NR2F1-AS1: variants seen among roughly 807,000 people sequenced by gnomAD.
NR2F1-AS1 encodes the protein NR2F1 antisense RNA 1.
intron 4 of NR2F1-AS1, among the ~76,000 whole-genome samples, chr5:93,534,378 G>A (rs994223904): frequency 6.6e-6 from 1 of 152,060 alleles, no homozygotes; most frequent in Non-Finnish European, 1.5e-5. Flanking sequence ...TTACTATAAT[G>A]AGTCTTTTTA....
At chr5:93,509,976 T>C (rs1751263491) in intron 4 of NR2F1-AS1, among the ~76,000 whole-genome samples, 1 of 151,962 alleles carries the variant, frequency 6.6e-6, no homozygotes, top group Non-Finnish European at 1.5e-5. Context: ...AATGATACAA[T>C]ATGCTTGTAG....
At chr5:93,569,776 G>C (rs1561509762) in intron 1 of NR2F1-AS1, 1 of 152,240 alleles carries the variant, frequency 6.6e-6, no homozygotes, top group Non-Finnish European at 1.5e-5. Flanking sequence ...AATTGGCTGA[G>C]CTTAGGCCAG....
chr5:93,557,704 C>G (rs1432902792), intron 2 of NR2F1-AS1, among the ~76,000 whole-genome samples: 1 of 152,104 alleles, frequency 6.6e-6, no homozygotes, highest in African/African-American at 2.4e-5. Context: ...GTTTGGGTAG[C>G]TGTGGCAATT....
chr5:93,470,560 T>TA (rs1367674367), intron 4 of NR2F1-AS1, among the ~76,000 whole-genome samples: 6 of 151,810 alleles, frequency 4.0e-5, no homozygotes, highest in Non-Finnish European at 8.9e-5. Flanking sequence ...TCTCAAATCT[T>TA]ACATTATCTA....
chr5:93,483,738 G>A (rs1165009693), intron 4 of NR2F1-AS1, among the ~76,000 whole-genome samples: 1 of 152,188 alleles, frequency 6.6e-6, no homozygotes, highest in Admixed American at 6.5e-5. Flanking sequence ...AGAATAACCA[G>A]TTTAGAGAAG....
intron 4 of NR2F1-AS1, among the ~76,000 whole-genome samples, chr5:93,443,879 G>C (rs1444221335): frequency 6.6e-6 from 1 of 152,220 alleles, no homozygotes; most frequent in Non-Finnish European, 1.5e-5. Flanking sequence ...AGCCAGAAGA[G>C]AGTGGGGGCC....
intron 4 of NR2F1-AS1, among the ~76,000 whole-genome samples, chr5:93,457,265 G>A (rs1749971473): frequency 6.6e-6 from 1 of 152,194 alleles, no homozygotes; most frequent in Non-Finnish European, 1.5e-5. Context: ...TTCCTAGGCA[G>A]AGGTCCCTGC....
At chr5:93,433,099 A>G (rs1282779655) in intron 4 of NR2F1-AS1, among the ~76,000 whole-genome samples, 1 of 152,166 alleles carries the variant, frequency 6.6e-6, no homozygotes, top group Non-Finnish European at 1.5e-5. Context: ...TTTCTGATAC[A>G]TTGTGGCAGT....
chr5:93,502,104 A>C (rs1184698003), intron 4 of NR2F1-AS1, among the ~76,000 whole-genome samples: 1 of 152,188 alleles, frequency 6.6e-6, no homozygotes, highest in East Asian at 1.9e-4. Context: ...GTTTTTTTAG[A>C]CATAATGTTT....
intron 2 of NR2F1-AS1, among the ~76,000 whole-genome samples, chr5:93,555,168 T>G (rs1752325590): frequency 1.3e-5 from 2 of 152,158 alleles, no homozygotes; most frequent in Non-Finnish European, 2.9e-5. Flanking sequence ...CTCCTAAAGT[T>G]CCTCTTCATT....
chr5:93,576,443 T>TC (rs200493070), intron 1 of NR2F1-AS1, among the ~76,000 whole-genome samples: 1 of 151,220 alleles, frequency 6.6e-6, no homozygotes, highest in Non-Finnish European at 1.5e-5. Context: ...TTTTTTTTTT[T>TC]CATTTAAACT....
intron 4 of NR2F1-AS1, among the ~76,000 whole-genome samples, chr5:93,427,430 T>C (rs1561431266): frequency 6.6e-6 from 1 of 152,220 alleles, no homozygotes; most frequent in Non-Finnish European, 1.5e-5. Context: ...GAAACACTTC[T>C]GCACTTCGGG....
rs1026549390 is a variant in NR2F1-AS1 at position 93,424,211 on chromosome 5, T to C, written n.639-28669A>G. Among the ~76,000 whole-genome samples, 4 of 152,054 alleles carry C rather than the reference T, an allele frequency of 2.6e-5. No homozygotes were observed. The East Asian group carries it at 7.7e-4, about 29-fold the overall frequency. ...TACATGCCAACTACACACTGATGACTTCAAAAATAATAAAGCCCAGACCCA... is the reference window on the plus strand; with the variant it reads ...TACATGCCAACTACACACTGATGACCTCAAAAATAATAAAGCCCAGACCCA... On this transcript the variant is annotated intron_variant and non_coding_transcript_variant, in intron 4 of 5. Coordinates refer to ENST00000660523, the Ensembl canonical transcript of NR2F1-AS1.
chr5:93,490,914 A>G (rs1324990358), intron 4 of NR2F1-AS1, among the ~76,000 whole-genome samples: 40 of 92,342 alleles, frequency 4.3e-4, no homozygotes, highest in Admixed American at 6.7e-4. Flanking sequence ...GGTGGTGGTG[A>G]TGGGAGTGGT....
At chr5:93,460,797 C>G (rs1470040007) in intron 4 of NR2F1-AS1, among the ~76,000 whole-genome samples, 2 of 152,168 alleles carry the variant, frequency 1.3e-5, no homozygotes, top group African/African-American at 4.8e-5. Flanking sequence ...CATCTCACAC[C>G]AGTCAGAATG....
intron 4 of NR2F1-AS1, among the ~76,000 whole-genome samples, chr5:93,456,071 C>T (rs1224649068): frequency 1.3e-5 from 2 of 152,026 alleles, no homozygotes; most frequent in African/African-American, 4.8e-5. Context: ...CAACATTGTA[C>T]TGGAAATCCT....
intron 4 of NR2F1-AS1, among the ~76,000 whole-genome samples, chr5:93,510,862 T>C (rs746624699): frequency 1.3e-5 from 2 of 152,118 alleles, no homozygotes; most frequent in African/African-American, 2.4e-5. Context: ...TTGGAGAAGT[T>C]TGATTGTTTA....
At chr5:93,547,872 T>C (rs1752125419) in intron 4 of NR2F1-AS1, among the ~76,000 whole-genome samples, 1 of 152,310 alleles carries the variant, frequency 6.6e-6, no homozygotes, top group South Asian at 2.1e-4. Context: ...GTCAATGATA[T>C]TGACAAATAC....
At chr5:93,502,898 T>C (rs1311666550) in intron 4 of NR2F1-AS1, among the ~76,000 whole-genome samples, 3 of 152,180 alleles carry the variant, frequency 2.0e-5, no homozygotes, top group Admixed American at 2.0e-4. Flanking sequence ...ATAGTATGCC[T>C]GCATTTATCT....
Sources: gnomAD v4.1 joint callset for allele counts (sites outside exome capture counted in the v4.1 genomes callset) on GRCh38, gnomAD v4.1.1 for gene constraint, MANE v1.5 for transcripts, NCBI Gene and HGNC (gene_info 2026-07-23, HGNC 2026-07-21) for gene names.